URB2: variants seen among roughly 807,000 people sequenced by gnomAD.
URB2 encodes URB2 ribosome biogenesis homolog, also known as unhealthy ribosome biogenesis protein 2 homolog.
A neutral mutation model predicts 120.9 loss-of-function variants in URB2; 86 were observed. The ratio of observed to expected loss-of-function variants is 0.71; its 90% CI spans 0.60 to 0.85. The LOEUF is 0.85. URB2 is among the 40% of genes least tolerant of loss of function. The pLI is 0.00. For synonymous variants in URB2, 755 were observed against 758.4 expected, an observed-to-expected ratio of 1.00 and a Z score of 0.07; for missense variants, 1,765 against 1,836.5, an observed-to-expected ratio of 0.96 and a Z score of 0.71.
chr1:229,641,587 T>G lies in URB2; in HGVS notation c.3635-1946T>G, dbSNP rs145402213. Among the ~76,000 whole-genome samples the G allele has an allele frequency of 3.0e-3, 462 of 151,614 alleles. 2 individuals are homozygous for G. The highest frequency in any genetic ancestry group is 0.011 in the African/African-American group (437 of 41,294). On this transcript the variant is annotated intron_variant, in intron 4 of 9. Transcript: ENST00000258243. ...CAAGGCTTTGGGCAGGGAGAGGGAGTGTGAAGAGGCGCCGTGCAGGTGCCC... is the reference window on the plus strand; with the variant it reads ...CAAGGCTTTGGGCAGGGAGAGGGAGGGTGAAGAGGCGCCGTGCAGGTGCCC...
At chr1:229,632,686 A>G (rs1249990806) in intron 3 of URB2, among the ~76,000 whole-genome samples, 1 of 152,164 alleles carries the variant, frequency 6.6e-6, no homozygotes, top group African/African-American at 2.4e-5. Flanking sequence ...GTCATTGATT[A>G]CCTTTTTAAT....
Position 229,635,896 on chromosome 1 carries a change from A to C in URB2, c.1283A>C (p.Asp428Ala). The part of the protein sequence containing the change: ...LNHLILEPDL[D>A]DLLASAWIDA... ...CATTTGATTTTGGAGCCAGACCTGG[A>C]TGACCTGCTGGCTTCAGCGTGGATC... Residue 428 changes from aspartate (D) to alanine (A), a missense_variant, in exon 4 of 10, where the codon GAT (aspartate) becomes GCT (alanine). Coordinates refer to ENST00000258243, the MANE Select transcript of URB2 (RefSeq NM_014777.4). The C allele has an allele frequency of 6.2e-7, 1 of 1,614,238 alleles. No homozygotes were observed. The highest frequency in any genetic ancestry group is 8.5e-7 in the Non-Finnish European group (1 of 1,180,048).
chr1:229,654,084 C>T (rs77203859), intron 8 of URB2, among the ~76,000 whole-genome samples, 165 bp from the exon 9 acceptor site: 1,641 of 152,002 alleles, frequency 0.011, 29 homozygotes, highest in African/African-American at 0.037. Flanking sequence ...ACTGTTTGGA[C>T]ATATCTGTTC....
At chr1:229,641,153 C>T (rs1666002217) in intron 4 of URB2, among the ~76,000 whole-genome samples, 1 of 151,842 alleles carries the variant, frequency 6.6e-6, no homozygotes, top group Admixed American at 6.6e-5. Context: ...GCTTGGATTA[C>T]AGGCATGCAC....
rs945882240 is a variant in URB2 at position 229,626,247 on chromosome 1, G to C, written c.-123G>C. The C allele has an allele frequency of 1.0e-4, 16 of 152,802 alleles. No individual in the cohort carries two copies. Among genetic ancestry groups the C allele is most frequent in the Non-Finnish European group, 1.9e-4 (13 of 68,674 alleles). The allele number at this position is 152,802 out of a possible 1,614,324, so 9.5% of individuals were successfully genotyped here. ...CCCACGTGGTGGGGACGCGGGACCC[G>C]TACAGCGGCCTCCGCCGCACCGGGA... On this transcript the variant is annotated 5_prime_UTR_variant, in exon 1 of 10. Coordinates refer to ENST00000258243, the MANE Select transcript of URB2 (RefSeq NM_014777.4).
chr1:229,648,420 A>G (rs182383788), intron 7 of URB2, among the ~76,000 whole-genome samples: 3 of 152,344 alleles, frequency 2.0e-5, no homozygotes, highest in African/African-American at 4.8e-5. Context: ...AGCCACTCGC[A>G]TAGATCCCTT....
At position 229,637,180 on chromosome 1, in the gene URB2, T is replaced by A. The variant is rs896207550; in HGVS notation, c.2567T>A (p.Phe856Tyr). ...HMVVGHWENR[F>Y]AKAGPEGIEP... ...GTTGTGGGTCATTGGGAAAACAGAT[T>A]TGCAAAAGCTGGACCCGAAGGTATA... The change falls in exon 4 of 10, where the codon TTT becomes TAT. Residue 856 changes from phenylalanine to tyrosine, a missense_variant. Phe to Tyr is a conservative substitution (Grantham distance 22). Transcript: ENST00000258243. 7.4e-6 allele frequency: 12 copies of A among 1,613,734 alleles called. No individual in the cohort carries two copies. In the African/African-American group the frequency reaches 1.5e-4, roughly 20 times the overall value.
rs141804251 is a variant in URB2 at position 229,639,053 on chromosome 1, G to A, written c.3634+806G>A. Among the ~76,000 whole-genome samples, 528 of 152,120 alleles carry A rather than the reference G, an allele frequency of 3.5e-3. 3 individuals are homozygous for A. Among genetic ancestry groups the A allele is most frequent in the African/African-American group, 0.012 (502 of 41,510 alleles). On this transcript the variant is annotated intron_variant, in intron 4 of 9. Transcript: ENST00000258243. ...ATCAGAGCCAGGCGTGGCAGCTCAC[G>A]CCAGTAATCCCAGCACTTTGGGAGG...
At position 229,636,274 on chromosome 1, in the gene URB2, G is replaced by A; in HGVS notation, c.1661G>A (p.Arg554Lys). 8 of 1,614,130 alleles carry A rather than the reference G, an allele frequency of 5.0e-6. No individual in the cohort carries two copies. The highest frequency in any genetic ancestry group is 6.8e-6 in the Non-Finnish European group (8 of 1,179,936). ...CTGCACTGCATCATGTTCAACATGA[G>A]GAGCCTGGACAGCAGCACGCCTCTG... ...LLLHCIMFNM[R>K]SLDSSTPLPI... Residue 554 changes from arginine (R) to lysine (K), a missense_variant, in exon 4 of 10, where the codon AGG becomes AAG. Coordinates refer to ENST00000258243, the MANE Select transcript of URB2 (RefSeq NM_014777.4).
rs139710503 is a variant in URB2, at chr1:229,627,814, T to C, written c.126+55T>C. The C allele has an allele frequency of 7.1e-4, 1,081 of 1,522,060 alleles. 11 individuals carry two copies. In the African/African-American group the frequency reaches 0.013, roughly 18 times the overall value. The allele number at this position is 1,522,060 out of a possible 1,614,324, so 94.3% of individuals were successfully genotyped here. A position where few individuals can be genotyped will look rare whatever the true frequency, so the allele number is the denominator to read the frequency against. On this transcript the variant is annotated intron_variant, in intron 2 of 9. Coordinates refer to ENST00000258243, the MANE Select transcript of URB2 (RefSeq NM_014777.4). ...CAGTCTGTCAAGATAATTATCACTT[T>C]TATAATTTGGATATTGACAATTGGT...
Position 229,636,860 on chromosome 1 carries a change from T to G in URB2, c.2247T>G (p.Ile749Met), listed in dbSNP as rs528769721. 1.9e-6 allele frequency: 3 copies of G among 1,611,080 alleles called. No individual in the cohort carries two copies. The African/African-American group carries it at 4.0e-5, about 22-fold the overall frequency. The change falls in exon 4 of 10, where the codon ATT becomes ATG. Residue 749 changes from isoleucine to methionine, a missense_variant. Coordinates refer to ENST00000258243, the MANE Select transcript of URB2 (RefSeq NM_014777.4). ...ACTTGATTGTGTCAAATCTCACAAT[T>G]TTAATATCCTATCTGTGTCCAGATG... is the stretch of plus-strand genomic sequence containing the variant. The part of the protein sequence containing the change: ...HWHLIVSNLT[I>M]LISYLCPDDV...
rs1295069961 is a variant in URB2 at position 229,632,462 on chromosome 1, T to A, written c.303+17T>A. On this transcript the variant is annotated intron_variant, in intron 3 of 9. Transcript: ENST00000258243. ...CTAGTCAAGGTAATTCACTTTTCTG[T>A]TCTGTATGTGTTGCATGCATCTCCA... 1.3e-6 allele frequency: 2 copies of A among 1,537,506 alleles called. No individual in the cohort carries two copies. Among genetic ancestry groups the A allele is most frequent in the Admixed American group, 4.8e-5 (2 of 41,800 alleles).
rs752287632 is a variant in URB2, at chr1:229,635,758, A to T, written c.1145A>T (p.His382Leu). ...AACATCGCTGCCGACAGAATTCGGC[A>T]CGAAGAGGCTCAGTTCCGCTTTTAC... The part of the protein sequence containing the change: ...IYNIAADRIR[H>L]EEAQFRFYRH... The change falls in exon 4 of 10, where the codon CAC (histidine) becomes CTC (leucine). Residue 382 changes from histidine (H) to leucine (L), a missense_variant. Transcript: ENST00000258243. 8 of 1,614,188 alleles carry T rather than the reference A, an allele frequency of 5.0e-6. No homozygotes were observed. In the South Asian group the frequency reaches 8.8e-5, roughly 18 times the overall value.
Position 229,627,613 on chromosome 1 carries a change from A to G in URB2, c.-13-8A>G, listed in dbSNP as rs747787157. 9 of 1,599,506 alleles carry G rather than the reference A, an allele frequency of 5.6e-6. No homozygotes were observed. Among genetic ancestry groups the G allele is most frequent in the Non-Finnish European group, 7.7e-6 (9 of 1,175,264 alleles). ...AGTATTTTTTTTCCCATTGTTTTTA[A>G]ATTTTAGATAAAGCCTAGCCATGGC... is the stretch of plus-strand genomic sequence containing the variant. On this transcript the variant is annotated splice_polypyrimidine_tract_variant and splice_region_variant and intron_variant, in intron 1 of 9. Coordinates refer to ENST00000258243, the MANE Select transcript of URB2 (RefSeq NM_014777.4).
Position 229,636,221 on chromosome 1 carries a change from C to T in URB2, c.1608C>T (p.Ala536=). The change falls in exon 4 of 10, where the codon GCC becomes GCT. Residue 536 remains alanine, a synonymous_variant. Transcript: ENST00000258243. The part of the protein sequence containing the change: ...LPYLQSDADM[A]LKSLSLSLLL... ...ATTTGCAGAGTGATGCCGACATGGC[C>T]CTGAAATCACTGTCACTGAGCTTGC... The T allele has an allele frequency of 6.2e-7, 1 of 1,613,014 alleles. No homozygotes were observed. Among genetic ancestry groups the T allele is most frequent in the South Asian group, 1.1e-5 (1 of 91,042 alleles).
rs1351488084 is a variant in URB2, at chr1:229,637,334, C to T, written c.2721C>T (p.Asp907=). 1 of 1,614,210 alleles carries T rather than the reference C, an allele frequency of 6.2e-7. No individual in the cohort carries two copies. The highest frequency in any genetic ancestry group is 2.2e-5 in the East Asian group (1 of 44,886). The change falls in exon 4 of 10, where the codon GAC becomes GAT. Residue 907 remains aspartate (D), a synonymous_variant. Transcript: ENST00000258243. ...AAGTGATTTCTGCCTTACAGCTGGACAGCCTCTTGCCACCCTATCATGTGC... is the reference window on the plus strand; with the variant it reads ...AAGTGATTTCTGCCTTACAGCTGGATAGCCTCTTGCCACCCTATCATGTGC... The part of the protein sequence containing the change: ...LLEVISALQL[D]SLLPPYHVHY...
In URB2 at chr1:229,646,120, A is replaced by T. The variant is rs1474132841; in HGVS notation, c.3906+151A>T. The T allele has an allele frequency of 5.9e-6, 4 of 680,304 alleles. No homozygotes were observed. In the East Asian group the frequency reaches 8.3e-5, roughly 14 times the overall value. The allele number at this position is 680,304 out of a possible 1,614,324, so 42.1% of individuals were successfully genotyped here. ...AAGGGCGGTGGTGAGCAGGATGCCGAGCTTGTGTGTCCTGCCTGAGCACAT... is the reference window on the plus strand; with the variant it reads ...AAGGGCGGTGGTGAGCAGGATGCCGTGCTTGTGTGTCCTGCCTGAGCACAT... On this transcript the variant is annotated intron_variant, in intron 6 of 9. Transcript: ENST00000258243.
Position 229,645,974 on chromosome 1 carries a change from G to C in URB2, c.3906+5G>C. Reference sequence around the variant, plus strand: ...CAGATAGTCACAGCTTTAACAGTGAGTACCCTCTGGAGATGTGTCCTCTAG... The same window carrying C: ...CAGATAGTCACAGCTTTAACAGTGACTACCCTCTGGAGATGTGTCCTCTAG... On this transcript the variant is annotated splice_donor_5th_base_variant and intron_variant, in intron 6 of 9. Coordinates refer to ENST00000258243, the MANE Select transcript of URB2 (RefSeq NM_014777.4). 1 of 1,613,358 alleles carries C rather than the reference G, an allele frequency of 6.2e-7. No homozygotes were observed. The highest frequency in any genetic ancestry group is 8.5e-7 in the Non-Finnish European group (1 of 1,179,302).
At chr1:229,648,403 TTAAA>T (rs1447528296) in intron 7 of URB2, among the ~76,000 whole-genome samples, 26 of 152,226 alleles carry the variant, frequency 1.7e-4, no homozygotes, top group African/African-American at 5.8e-4. Flanking sequence ...CACCACGTCT[TTAAA>T]TAAGCCACTC....
Sources: gnomAD v4.1 joint callset for allele counts (sites outside exome capture counted in the v4.1 genomes callset) on GRCh38, gnomAD v4.1.1 for gene constraint, MANE v1.5 for transcripts, NCBI Gene and HGNC (gene_info 2026-07-23, HGNC 2026-07-21) for gene names.